MAP3K7CL: variants seen among roughly 807,000 people sequenced by gnomAD.
The protein encoded by MAP3K7CL is MAP3K7 C-terminal like, also known as MAP3K7 C-terminal-like protein.
Under a neutral mutation model 18.6 loss-of-function variants are expected in MAP3K7CL, and 16 were observed. The ratio of observed to expected loss-of-function variants is 0.86; its 90% confidence interval spans 0.58 to 1.31. The LOEUF (loss-of-function observed/expected upper bound fraction) is 1.31. Among genes scored for constraint, MAP3K7CL ranks in the 50% most tolerant of loss-of-function variants. The pLI is 0.00. For missense variants in MAP3K7CL, 163 were observed against 174.4 expected (o/e 0.93, Z 0.37); for synonymous variants, 65 against 66.8 (o/e 0.97, Z 0.13).
chr21:29,169,104 G>A (rs531689751), intron 4 of MAP3K7CL, among the ~76,000 whole-genome samples: 2 of 152,318 alleles, frequency 1.3e-5, no homozygotes, highest in South Asian at 2.1e-4. Context: ...CATCTAGTGA[G>A]TGAGGCCAAG....
At chr21:29,085,437 G>A (rs2085906896), upstream of MAP3K7CL, among the ~76,000 whole-genome samples, 1 of 150,938 alleles carries the variant, frequency 6.6e-6, no homozygotes, top group African/African-American at 2.4e-5. Flanking sequence ...CATAAAAAGT[G>A]CATTTAGGCT....
chr21:29,164,479 G>A (rs916370136), intron 4 of MAP3K7CL, among the ~76,000 whole-genome samples: 2 of 152,192 alleles, frequency 1.3e-5, no homozygotes, highest in African/African-American at 2.4e-5. Context: ...TATTGGAGTC[G>A]TTCAGACACT....
chr21:29,122,814 G>A lies in MAP3K7CL; in HGVS notation c.371-26375G>A, dbSNP rs1243354282. On this transcript the variant is annotated intron_variant, in intron 4 of 6. Coordinates refer to the MAP3K7CL transcript ENST00000286791. ...TTCTTACTTTGGGCCATGGGTCCAG[G>A]TTTGAGGGTGGGGTCCTCACTGGGG... 4.6e-5 allele frequency among the ~76,000 whole-genome samples: 7 copies of A among 152,136 alleles called. No individual in the cohort carries two copies. In the East Asian group the frequency reaches 1.3e-3, roughly 29 times the overall value.
At chr21:29,152,113 T>C (rs901588773) in intron 3 of MAP3K7CL, among the ~76,000 whole-genome samples, 1 of 152,102 alleles carries the variant, frequency 6.6e-6, no homozygotes, top group Admixed American at 6.6e-5. Context: ...TAGGAGTGAG[T>C]GTTACAAACA....
chr21:29,170,637 CT>C (rs201868687), intron 4 of MAP3K7CL, among the ~76,000 whole-genome samples: 12,782 of 148,984 alleles, frequency 0.086, 683 homozygotes, highest in Non-Finnish European at 0.13. Context: ...CTCTCTTTCT[CT>C]TTTTTTTTTC....
intron 4 of MAP3K7CL, among the ~76,000 whole-genome samples, chr21:29,110,752 C>G (rs1316459828): frequency 6.6e-6 from 1 of 152,076 alleles, no homozygotes; most frequent in East Asian, 1.9e-4. Flanking sequence ...CATGTCCCAC[C>G]CCTTCTATTG....
chr21:29,133,277 G>A lies in MAP3K7CL; in HGVS notation c.-39-29G>A, dbSNP rs903076180. ...ATTTAGGGGGATGATGCTGGATAAAGTGACAATGGCTCTCTCTTGCTGTCA... is the reference window on the plus strand; with the variant it reads ...ATTTAGGGGGATGATGCTGGATAAAATGACAATGGCTCTCTCTTGCTGTCA... On this transcript the variant is annotated intron_variant, in intron 1 of 4. Transcript: ENST00000399928. 4 of 1,522,340 alleles carry A rather than the reference G, an allele frequency of 2.6e-6. No homozygotes were observed. The South Asian group carries it at 3.6e-5, about 14-fold the overall frequency. The allele number at this position is 1,522,340 out of a possible 1,614,324, so 94.3% of individuals were successfully genotyped here.
At chr21:29,102,516 T>C (rs2086251316) in intron 4 of MAP3K7CL, 1 of 148,704 alleles carries the variant, frequency 6.7e-6, no homozygotes, top group African/African-American at 2.5e-5. Flanking sequence ...AGGGTCTCGC[T>C]ATGTTGCCCA....
chr21:29,112,705 A>G (rs1175869979), intron 4 of MAP3K7CL, among the ~76,000 whole-genome samples: 1 of 152,084 alleles, frequency 6.6e-6, no homozygotes, highest in Non-Finnish European at 1.5e-5. Context: ...TGAAAACAAG[A>G]TACCAATTAT....
At chr21:29,165,399 T>C (rs2146746478) in intron 4 of MAP3K7CL, among the ~76,000 whole-genome samples, 1 of 152,266 alleles carries the variant, frequency 6.6e-6, no homozygotes, top group Admixed American at 6.5e-5. Flanking sequence ...ATAAGTTCTT[T>C]AGTGATGATT....
chr21:29,086,886 T>C (rs573854563), intron 1 of MAP3K7CL, among the ~76,000 whole-genome samples: 3 of 152,320 alleles, frequency 2.0e-5, no homozygotes, highest in African/African-American at 7.2e-5. Flanking sequence ...CTCTGCACAT[T>C]GTGCTGAGTG....
chr21:29,112,967 C>A (rs2086445415), intron 4 of MAP3K7CL, among the ~76,000 whole-genome samples: 1 of 152,140 alleles, frequency 6.6e-6, no homozygotes, highest in Non-Finnish European at 1.5e-5. Context: ...TGCCACAACA[C>A]CCAGCTAATT....
At chr21:29,150,216 GGAA>G (rs751995403) in intron 3 of MAP3K7CL, among the ~76,000 whole-genome samples, 55 of 152,316 alleles carry the variant, frequency 3.6e-4, no homozygotes, top group Non-Finnish European at 7.9e-4. Flanking sequence ...CAACAGAGGT[GGAA>G]GAAGAACCAA....
At chr21:29,081,750 T>C (rs554215572), upstream of MAP3K7CL, among the ~76,000 whole-genome samples, 3 of 152,358 alleles carry the variant, frequency 2.0e-5, no homozygotes, top group African/African-American at 7.2e-5. Flanking sequence ...ATTGCAAGTT[T>C]GGGTTCCTCA....
At chr21:29,109,582 A>G (rs2146554894) in intron 4 of MAP3K7CL, 2 of 1,012,226 alleles carry the variant, frequency 2.0e-6, no homozygotes, top group Non-Finnish European at 2.4e-6. Flanking sequence ...TATAAACTGC[A>G]CATTTAATGT....
At chr21:29,168,172 C>T (rs1441168188) in intron 4 of MAP3K7CL, among the ~76,000 whole-genome samples, 2 of 152,150 alleles carry the variant, frequency 1.3e-5, no homozygotes, top group Non-Finnish European at 2.9e-5. Flanking sequence ...AACATAAATA[C>T]ACAGTAAATG....
intron 4 of MAP3K7CL, among the ~76,000 whole-genome samples, chr21:29,099,357 G>A (rs1278850786): frequency 7.2e-6 from 1 of 139,838 alleles, no homozygotes; most frequent in Non-Finnish European, 1.5e-5. Context: ...TTCCTGCCTT[G>A]GTCTCCCAAA....
upstream of MAP3K7CL, among the ~76,000 whole-genome samples, chr21:29,082,895 A>G (rs2085859564): frequency 6.6e-6 from 1 of 151,914 alleles, no homozygotes; most frequent in South Asian, 2.1e-4. Context: ...CTAGAAAGCA[A>G]TATTACTTAA....
intron 4 of MAP3K7CL, among the ~76,000 whole-genome samples, chr21:29,110,974 G>A (rs1406110225): frequency 6.6e-6 from 1 of 151,986 alleles, no homozygotes; most frequent in Admixed American, 6.6e-5. Flanking sequence ...TGTTCCTTGG[G>A]GGCTGGGCGC....
Sources: gnomAD v4.1 joint callset for allele counts (sites outside exome capture counted in the v4.1 genomes callset) on GRCh38, gnomAD v4.1.1 for gene constraint, MANE v1.5 for transcripts, NCBI Gene and HGNC (gene_info 2026-07-23, HGNC 2026-07-21) for gene names.